Variants in CSMD1 observed in about 807,000 individuals in gnomAD.
The protein encoded by CSMD1 is CUB and sushi domain-containing protein 1.
In CSMD1, 213 loss-of-function variants were observed where a neutral mutation model predicts 417.5. That is an observed-to-expected ratio of 0.51 (90% CI 0.46 to 0.57). CSMD1 has a LOEUF of 0.57. Ranked by LOEUF, CSMD1 falls within the 20% of genes least tolerant of loss-of-function variation. CSMD1 has a pLI of 0.00. For synonymous variants in CSMD1, 2,862 were observed against 1,736.8 expected (o/e 1.65, Z -16.11); for missense variants, 6,923 against 4,529.7 (o/e 1.53, Z -15.17).
rs1248390677 is a variant in CSMD1 at position 3,639,368 on chromosome 8, A to G, written c.1010-22571T>C. 3.9e-5 allele frequency among the ~76,000 whole-genome samples: 6 copies of G among 152,338 alleles called. No homozygotes were observed. In the East Asian group the frequency reaches 7.7e-4, roughly 20 times the overall value. On this transcript the variant is annotated intron_variant, in intron 7 of 69. Transcript: ENST00000635120. ...AGTTTAAGAGGAAAAAGAGAGAATG[A>G]AAGTGAATGAGTGAGGGTTCATCAA...
At chr8:4,583,009 G>C (rs549501657) in intron 2 of CSMD1, among the ~76,000 whole-genome samples, 2 of 152,324 alleles carry the variant, frequency 1.3e-5, no homozygotes, top group East Asian at 3.9e-4. Context: ...TCCCCCAGCA[G>C]TGCCAGCCCA....
intron 37 of CSMD1, among the ~76,000 whole-genome samples, chr8:3,165,306 C>T (rs912872186): frequency 6.6e-6 from 1 of 152,146 alleles, no homozygotes; most frequent in Non-Finnish European, 1.5e-5. Flanking sequence ...TTGATATGAT[C>T]AGAGCCCAAG....
chr8:4,049,725 T>C (rs1053139220), intron 3 of CSMD1, among the ~76,000 whole-genome samples: 1 of 152,228 alleles, frequency 6.6e-6, no homozygotes, highest in African/African-American at 2.4e-5. Context: ...ACTTTAAAAA[T>C]TTGTTTTAAA....
At chr8:3,113,049 CG>C (rs1335576391) in intron 42 of CSMD1, 1 of 152,190 alleles carries the variant, frequency 6.6e-6, no homozygotes, top group Admixed American at 6.5e-5. Flanking sequence ...TCCGCAGAGA[CG>C]GGGGCCTGTG....
chr8:4,004,719 G>A (rs1815968704), intron 4 of CSMD1, among the ~76,000 whole-genome samples: 1 of 151,840 alleles, frequency 6.6e-6, no homozygotes, highest in African/African-American at 2.4e-5. Context: ...GGATGAGATT[G>A]GTGACTATTA....
chr8:3,145,222 T>G (rs923448956), intron 40 of CSMD1, among the ~76,000 whole-genome samples: 1 of 152,076 alleles, frequency 6.6e-6, no homozygotes, highest in Non-Finnish European at 1.5e-5. Flanking sequence ...ACCTGCTGAA[T>G]TGCTGGCACT....
At chr8:4,609,996 G>A (rs764369222) in intron 2 of CSMD1, among the ~76,000 whole-genome samples, 7 of 151,796 alleles carry the variant, frequency 4.6e-5, no homozygotes, top group Non-Finnish European at 8.8e-5. Flanking sequence ...CTAAACCTAT[G>A]GGAATGACCA....
chr8:3,544,775 TG>T (rs950426518), intron 10 of CSMD1, among the ~76,000 whole-genome samples: 1 of 151,996 alleles, frequency 6.6e-6, no homozygotes, highest in African/African-American at 2.4e-5. Flanking sequence ...ATCTTAGAAA[TG>T]TTGTTTGCTT....
At chr8:4,011,141 A>G (rs775670389) in intron 4 of CSMD1, among the ~76,000 whole-genome samples, 22 of 152,200 alleles carry the variant, frequency 1.4e-4, no homozygotes, top group Non-Finnish European at 2.4e-4. Flanking sequence ...ATAACCTTCA[A>G]TTTTGATGCC....
chr8:3,799,926 C>G (rs1800367000), intron 5 of CSMD1, among the ~76,000 whole-genome samples: 1 of 152,130 alleles, frequency 6.6e-6, no homozygotes. Flanking sequence ...TCCTGTTTCT[C>G]AAATATCCTT....
chr8:3,715,813 G>C (rs928944933), intron 6 of CSMD1, among the ~76,000 whole-genome samples: 1 of 152,176 alleles, frequency 6.6e-6, no homozygotes, highest in African/African-American at 2.4e-5. Context: ...AAAGTGCTGG[G>C]ATTGCAGGCA....
At chr8:3,991,572 G>T (rs543590571) in intron 5 of CSMD1, among the ~76,000 whole-genome samples, 12 of 152,154 alleles carry the variant, frequency 7.9e-5, no homozygotes, top group Non-Finnish European at 1.6e-4. Context: ...AAAGAAACAC[G>T]TAAGAGTAGC....
At position 4,566,302 on chromosome 8, in the gene CSMD1, A is replaced by G. The variant is rs192503960; in HGVS notation, c.302+71040T>C. 2.4e-3 allele frequency among the ~76,000 whole-genome samples: 367 copies of G among 152,292 alleles called. 2 individuals are homozygous for G. Among genetic ancestry groups the G allele is most frequent in the African/African-American group, 8.7e-3 (361 of 41,552 alleles). On this transcript the variant is annotated intron_variant, in intron 2 of 69. Coordinates refer to ENST00000635120, the MANE Select transcript of CSMD1 (RefSeq NM_033225.6). ...AGTTATTGACAAAATACATTTAGAA[A>G]GGAAAGCCATTGGCTCATTATTAAA...
At chr8:4,118,390 T>C (rs1003549894) in intron 3 of CSMD1, among the ~76,000 whole-genome samples, 4 of 139,512 alleles carry the variant, frequency 2.9e-5, no homozygotes, top group African/African-American at 1.1e-4. Context: ...ACAAAGAACT[T>C]AAAGAAATTT....
At chr8:4,248,167 G>T (rs917346220) in intron 3 of CSMD1, among the ~76,000 whole-genome samples, 1 of 151,984 alleles carries the variant, frequency 6.6e-6, no homozygotes, top group African/African-American at 2.4e-5. Context: ...AAATTGCTTT[G>T]AAACTTGAAG....
intron 1 of CSMD1, among the ~76,000 whole-genome samples, chr8:4,837,065 C>T (rs1800538271): frequency 6.6e-6 from 1 of 151,004 alleles, no homozygotes; most frequent in Non-Finnish European, 1.5e-5. Flanking sequence ...AGACAGGGCT[C>T]TGGGACAGAA....
intron 3 of CSMD1, among the ~76,000 whole-genome samples, chr8:4,289,762 G>A (rs540521625): frequency 1.7e-4 from 26 of 152,248 alleles, no homozygotes; most frequent in Middle Eastern, 3.4e-3. Flanking sequence ...CATCTCCACC[G>A]TACTGGAAGC....
chr8:4,505,601 G>C (rs1230770), intron 2 of CSMD1, among the ~76,000 whole-genome samples: 35,453 of 151,886 alleles, frequency 0.23, 4,329 homozygotes, highest in African/African-American at 0.32. Flanking sequence ...TTAGCCTTGT[G>C]CTTTTCAGAG....
chr8:4,964,538 G>GGAA (rs1809725655), intron 1 of CSMD1, among the ~76,000 whole-genome samples: 1 of 116,094 alleles, frequency 8.6e-6, no homozygotes, highest in Non-Finnish European at 1.8e-5. Flanking sequence ...AAGGAAGGAA[G>GGAA]GAAAAAAAAA....
Sources: allele counts gnomAD v4.1 joint callset (sites outside exome capture counted in the v4.1 genomes callset), GRCh38; gene constraint gnomAD v4.1.1; transcripts MANE v1.5; gene names NCBI Gene and HGNC (gene_info 2026-07-23, HGNC 2026-07-21).